Variants in CNTNAP5 observed in about 807,000 individuals in gnomAD.
CNTNAP5 encodes the protein contactin associated protein family member 5.
CNTNAP5 carries 72 observed loss-of-function variants against 150.2 expected under a neutral mutation model. That is an observed-to-expected ratio of 0.48 (90% CI 0.40 to 0.58). The LOEUF is 0.58. CNTNAP5 is among the 20% of genes least tolerant of loss of function. The pLI, the probability that CNTNAP5 is intolerant of heterozygous loss-of-function variation, is 0.00. For synonymous variants in CNTNAP5, 672 were observed against 619.8 expected, an observed-to-expected ratio of 1.08 and a Z score of -1.25; for missense variants, 1,636 against 1,626.2, an observed-to-expected ratio of 1.01 and a Z score of -0.10.
Position 124,419,976 on chromosome 2 carries a change from CTT to C in CNTNAP5, c.529+2388_529+2389del, listed in dbSNP as rs1470744726. Among the ~76,000 whole-genome samples the C allele has an allele frequency of 7.1e-3, 698 of 98,642 alleles. 95 individuals carry two copies. Among genetic ancestry groups the C allele is most frequent in the Admixed American group, 0.04 (373 of 9,210 alleles). 64.7% of individuals were successfully genotyped at this position (98,642 alleles called of 152,430 possible). ...TCTTTCCTTTTCTCTCTCTCTCTTT[CTT>C]TCTTTCTTTCTTTTTTTTTTTTTTT... On this transcript the variant is annotated intron_variant, in intron 4 of 23. Coordinates refer to ENST00000682447, the MANE Select transcript of CNTNAP5 (RefSeq NM_001367498.1).
At chr2:124,283,258 G>A (rs1408355627) in intron 3 of CNTNAP5, among the ~76,000 whole-genome samples, 1 of 152,126 alleles carries the variant, frequency 6.6e-6, no homozygotes, top group African/African-American at 2.4e-5. Context: ...ATTTTTGGCA[G>A]GCAGCCAGGC....
At chr2:124,667,879 C>A (rs577118054) in intron 13 of CNTNAP5, among the ~76,000 whole-genome samples, 1 of 152,184 alleles carries the variant, frequency 6.6e-6, no homozygotes, top group Admixed American at 6.5e-5. Flanking sequence ...CTAAGAGTGG[C>A]ATCCTTGAGA....
chr2:124,115,817 T>C (rs997114928), intron 1 of CNTNAP5, among the ~76,000 whole-genome samples: 2 of 151,312 alleles, frequency 1.3e-5, no homozygotes, highest in African/African-American at 4.9e-5. Context: ...TGTGTGTGTG[T>C]GTGTGTGTGT....
intron 21 of CNTNAP5, among the ~76,000 whole-genome samples, chr2:124,899,493 T>C (rs1310153180): frequency 6.6e-6 from 1 of 151,680 alleles, no homozygotes. Context: ...AGAAACTAAG[T>C]CAATTTCAAA....
intron 21 of CNTNAP5, among the ~76,000 whole-genome samples, chr2:124,895,332 G>T (rs746479617): frequency 6.6e-6 from 1 of 151,458 alleles, no homozygotes; most frequent in Admixed American, 6.6e-5. Context: ...AAGGTACTTT[G>T]CTAAGAAGTA....
chr2:124,182,741 C>T (rs1424128311), intron 1 of CNTNAP5, among the ~76,000 whole-genome samples: 1 of 152,074 alleles, frequency 6.6e-6, no homozygotes, highest in African/African-American at 2.4e-5. Context: ...GCATTTAGGT[C>T]GTTCTTTGTC....
rs552499770 is a variant in CNTNAP5 at position 124,537,549 on chromosome 2, T to C, written c.1649+10093T>C. 2.6e-5 allele frequency among the ~76,000 whole-genome samples: 4 copies of C among 152,194 alleles called. No individual in the cohort carries two copies. In the South Asian group the frequency reaches 6.2e-4, roughly 24 times the overall value. On this transcript the variant is annotated intron_variant, in intron 10 of 23. Coordinates refer to ENST00000682447, the MANE Select transcript of CNTNAP5 (RefSeq NM_001367498.1). ...CTGGGGAATAGAAGAAACTGGGAACTTGCCAGGAATGACTGTCTTGAGAAG... is the reference window on the plus strand; with the variant it reads ...CTGGGGAATAGAAGAAACTGGGAACCTGCCAGGAATGACTGTCTTGAGAAG...
At chr2:124,637,353 A>G (rs151087281) in intron 12 of CNTNAP5, among the ~76,000 whole-genome samples, 25 of 152,328 alleles carry the variant, frequency 1.6e-4, no homozygotes, top group African/African-American at 5.1e-4. Flanking sequence ...TAAATAAAAT[A>G]TCCCATACTT....
At chr2:124,274,494 G>GTT (rs57417186) in intron 3 of CNTNAP5, among the ~76,000 whole-genome samples, 130 of 151,278 alleles carry the variant, frequency 8.6e-4, no homozygotes, top group Middle Eastern at 6.8e-3. Context: ...AGACAATCAG[G>GTT]TTTTTTTTTC....
intron 19 of CNTNAP5, among the ~76,000 whole-genome samples, chr2:124,800,443 T>A (rs1205484905): frequency 6.6e-6 from 1 of 152,132 alleles, no homozygotes; most frequent in Non-Finnish European, 1.5e-5. Context: ...ACACAACATT[T>A]ACTTCTCATC....
At chr2:124,152,421 C>T (rs1236124062) in intron 1 of CNTNAP5, among the ~76,000 whole-genome samples, 1 of 152,170 alleles carries the variant, frequency 6.6e-6, no homozygotes, top group Non-Finnish European at 1.5e-5. Context: ...GCAAGTAGCC[C>T]AAAGCCTGTG....
intron 19 of CNTNAP5, among the ~76,000 whole-genome samples, chr2:124,829,715 A>G (rs1223290909): frequency 6.6e-6 from 1 of 151,872 alleles, no homozygotes; most frequent in Non-Finnish European, 1.5e-5. Flanking sequence ...ATTTATGAAA[A>G]AATTTGACCT....
chr2:124,544,190 A>G (rs1019578852), intron 10 of CNTNAP5, among the ~76,000 whole-genome samples: 4 of 152,150 alleles, frequency 2.6e-5, no homozygotes, highest in Admixed American at 2.0e-4. Flanking sequence ...CATCTTGGAG[A>G]TACAAGAGAG....
intron 13 of CNTNAP5, among the ~76,000 whole-genome samples, chr2:124,676,433 A>T (rs549727101): frequency 6.6e-6 from 1 of 152,344 alleles, no homozygotes; most frequent in African/African-American, 2.4e-5. Context: ...TAACAGTTTT[A>T]GTCAACTTCT....
At chr2:124,414,817 A>T (rs1691875608) in intron 3 of CNTNAP5, among the ~76,000 whole-genome samples, 1 of 152,088 alleles carries the variant, frequency 6.6e-6, no homozygotes, top group South Asian at 2.1e-4. Flanking sequence ...TCTACTGCAC[A>T]TTTGGATTAG....
Position 124,593,130 on chromosome 2 carries a change from A to ATTTAT in CNTNAP5, c.1757-16669_1757-16668insTATTT, listed in dbSNP as rs370992728. On this transcript the variant is annotated intron_variant, in intron 11 of 23. Transcript: ENST00000682447. ...ATATTTATTTATTTATTTATTTATT[A>ATTTAT]TTATTATTATTTTTTTAATTATACT... Among the ~76,000 whole-genome samples, 70 of 100,308 alleles carry ATTTAT rather than the reference A, an allele frequency of 7.0e-4. 1 individual carries two copies. The highest frequency in any genetic ancestry group is 1.1e-3 in the East Asian group (2 of 1,834). 65.8% of individuals were successfully genotyped at this position (100,308 alleles called of 152,430 possible).
In CNTNAP5 at chr2:124,496,704, C is replaced by T. The variant is rs149362769; in HGVS notation, c.1063-7588C>T. Among the ~76,000 whole-genome samples, 28 of 152,252 alleles carry T rather than the reference C, an allele frequency of 1.8e-4. No individual in the cohort carries two copies. The East Asian group carries it at 3.9e-3, about 21-fold the overall frequency. Reference sequence around the variant, plus strand: ...CTTAAAAATTAGTTTCCTGGAGTGGCGGGACAGCCACACCTGACTTACTAT... The same window carrying T: ...CTTAAAAATTAGTTTCCTGGAGTGGTGGGACAGCCACACCTGACTTACTAT... On this transcript the variant is annotated intron_variant, in intron 7 of 23. Transcript: ENST00000682447.
At chr2:124,399,722 G>C (rs972507929) in intron 3 of CNTNAP5, among the ~76,000 whole-genome samples, 1 of 152,112 alleles carries the variant, frequency 6.6e-6, no homozygotes, top group Non-Finnish European at 1.5e-5. Flanking sequence ...CTGCGGTATG[G>C]AATGGCATCA....
chr2:124,502,696 G>A (rs769011851), intron 7 of CNTNAP5, among the ~76,000 whole-genome samples: 5 of 152,144 alleles, frequency 3.3e-5, no homozygotes, highest in Non-Finnish European at 5.9e-5. Context: ...CATTGGTGAT[G>A]TTTTTATTCT....
Sources: gnomAD v4.1 joint callset for allele counts (sites outside exome capture counted in the v4.1 genomes callset) on GRCh38, gnomAD v4.1.1 for gene constraint, MANE v1.5 for transcripts, NCBI Gene and HGNC (gene_info 2026-07-23, HGNC 2026-07-21) for gene names.